Variants in WDR27 observed in about 807,000 individuals in gnomAD.
The protein encoded by WDR27 is WD repeat-containing protein 27.
In WDR27, 100 loss-of-function variants were observed where a neutral mutation model predicts 114.4. The ratio of observed to expected loss-of-function variants is 0.87; its 90% CI spans 0.74 to 1.03. The LOEUF is 1.03. Ranked by LOEUF, WDR27 falls within the 50% of genes least tolerant of loss-of-function variation. The probability of loss-of-function intolerance (pLI) is 0.00; values close to 1 mark genes in which losing one functional copy is unlikely to be tolerated. For missense variants in WDR27, 1,129 were observed against 1,092.9 expected, an observed-to-expected ratio of 1.03 and a Z score of -0.47; for synonymous variants, 449 against 423.1, an observed-to-expected ratio of 1.06 and a Z score of -0.75.
intron 21 of WDR27, among the ~76,000 whole-genome samples, chr6:169,618,415 A>G (rs1393395806): frequency 6.6e-6 from 1 of 152,142 alleles, no homozygotes; most frequent in Non-Finnish European, 1.5e-5. Flanking sequence ...TAAATCATAA[A>G]ACACGTATGC....
At position 169,658,329 on chromosome 6, in the gene WDR27, T is replaced by C. The variant is rs1562842074; in HGVS notation, c.1349A>G (p.Tyr450Cys). ...ACTCTTCTCCTTGGCAATTCCCAGATACAGTGGAGAGGTCGGTAGGACACA... is the reference window on the plus strand; with the variant it reads ...ACTCTTCTCCTTGGCAATTCCCAGACACAGTGGAGAGGTCGGTAGGACACA... ...SSCVLPTSPL[Y>C]LGIAKEKSTK... is the part of the protein sequence containing the mutation. Residue 450 changes from tyrosine (Y) to cysteine (C), a missense_variant, in exon 13 of 26, where the codon TAT becomes TGT. By Grantham distance (194) the Tyr-to-Cys change is radical. Transcript: ENST00000448612. 1 of 1,601,850 alleles carries C rather than the reference T, an allele frequency of 6.2e-7. No homozygotes were observed. Among genetic ancestry groups the C allele is most frequent in the Admixed American group, 1.7e-5 (1 of 58,478 alleles).
intron 25 of WDR27, among the ~76,000 whole-genome samples, chr6:169,530,456 C>T (rs1242585409): frequency 1.3e-5 from 2 of 152,196 alleles, no homozygotes; most frequent in African/African-American, 4.8e-5. Context: ...ACAAATGCTG[C>T]TCTGTTTTCC....
Position 169,512,156 on chromosome 6 carries a change from A to G in WDR27, c.2646-54522T>C, listed in dbSNP as rs544235239. Among the ~76,000 whole-genome samples the G allele has an allele frequency of 1.7e-3, 260 of 152,324 alleles. 2 individuals are homozygous for G. Among genetic ancestry groups the G allele is most frequent in the African/African-American group, 5.8e-3 (242 of 41,580 alleles). On this transcript the variant is annotated intron_variant, in intron 25 of 25. Transcript: ENST00000448612. ...CAAAATATATTTTTTAGATTGCCCTACAAATTGTAATAGCTTGTAATTTGC... is the reference window on the plus strand; with the variant it reads ...CAAAATATATTTTTTAGATTGCCCTGCAAATTGTAATAGCTTGTAATTTGC...
At chr6:169,664,389 C>T (rs372536486) in intron 7 of WDR27, 103 bp from the exon 8 acceptor site, 9 of 1,587,208 alleles carry the variant, frequency 5.7e-6, no homozygotes, top group South Asian at 1.1e-5. Context: ...CGTCACAGGA[C>T]GGGCCCTCCA....
At chr6:169,505,565 T>C (rs1791901028) in intron 25 of WDR27, among the ~76,000 whole-genome samples, 2 of 135,952 alleles carry the variant, frequency 1.5e-5, no homozygotes, top group Admixed American at 7.3e-5. Context: ...AGCAGACTGA[T>C]AGCATTCCTA....
intron 24 of WDR27, among the ~76,000 whole-genome samples, chr6:169,575,621 C>T (rs1479380479): frequency 3.3e-5 from 5 of 152,200 alleles, no homozygotes; most frequent in Non-Finnish European, 1.5e-5. Flanking sequence ...AATAACGCAG[C>T]CCGCTCTCTA....
intron 1 of WDR27, among the ~76,000 whole-genome samples, chr6:169,696,697 G>A (rs542642762): frequency 1.5e-4 from 23 of 152,168 alleles, no homozygotes; most frequent in Non-Finnish European, 3.1e-4. Flanking sequence ...GGTGGATCAC[G>A]AGGTCAGGAG....
At chr6:169,647,662 G>A (rs1018924534) in intron 16 of WDR27, 111 bp downstream of exon 16, 3 of 1,052,720 alleles carry the variant, frequency 2.8e-6, no homozygotes, top group African/African-American at 3.2e-5. Context: ...AGTAACCAAG[G>A]TTTTTAAAAA....
chr6:169,699,595 C>T (rs943960228), intron 1 of WDR27, among the ~76,000 whole-genome samples: 2 of 152,154 alleles, frequency 1.3e-5, no homozygotes, highest in African/African-American at 4.8e-5. Flanking sequence ...TGCCATGCTC[C>T]AGGAGTGAGC....
chr6:169,647,339 T>C (rs4236174), intron 16 of WDR27, among the ~76,000 whole-genome samples: 152,340 of 152,348 alleles, frequency 1, 76,166 homozygotes, highest in Middle Eastern at 1. Flanking sequence ...GCAGCCTGCA[T>C]GATGCCATCC....
chr6:169,696,556 A>C (rs78181018), intron 1 of WDR27, among the ~76,000 whole-genome samples: 9,934 of 152,292 alleles, frequency 0.065, 390 homozygotes, highest in East Asian at 0.095. Flanking sequence ...TCATAGGAGA[A>C]AGACAATCCG....
chr6:169,694,501 C>T (rs1785325373), intron 1 of WDR27, among the ~76,000 whole-genome samples: 3 of 152,130 alleles, frequency 2.0e-5, no homozygotes, highest in Admixed American at 2.0e-4. Flanking sequence ...TCCATCATAA[C>T]ATTGATTATA....
At chr6:169,604,206 C>G (rs181934771) in intron 22 of WDR27, among the ~76,000 whole-genome samples, 2 of 152,006 alleles carry the variant, frequency 1.3e-5, no homozygotes, top group South Asian at 4.1e-4. Flanking sequence ...AATTGATAAA[C>G]CACTTGTAGA....
intron 25 of WDR27, among the ~76,000 whole-genome samples, chr6:169,554,342 G>A (rs1453687070): frequency 6.6e-6 from 1 of 152,116 alleles, no homozygotes; most frequent in Non-Finnish European, 1.5e-5. Flanking sequence ...CAGGAAGACG[G>A]GACCCATCAG....
intron 25 of WDR27, among the ~76,000 whole-genome samples, chr6:169,495,804 T>A (rs1790326971): frequency 6.6e-6 from 1 of 152,044 alleles, no homozygotes; most frequent in Admixed American, 6.6e-5. Context: ...AGAAAAGCCC[T>A]GAATCTGATG....
chr6:169,462,490 G>GAGAGAGAAAGAAAGAAAGAA (rs555265160), intron 25 of WDR27, among the ~76,000 whole-genome samples: 82 of 149,948 alleles, frequency 5.5e-4, no homozygotes, highest in African/African-American at 2.0e-3. Context: ...GAGAGAGAGA[G>GAGAGAGAAAGAAAGAAAGAA]AGAAAGAAAG....
rs550347640 is a variant in WDR27, at chr6:169,672,396, G to A, written c.190C>T (p.Leu64Phe). Reference protein sequence around the residue: ...IWNTKDPSHQLLILRGHHQPI... With the variant: ...IWNTKDPSHQFLILRGHHQPI... Reference sequence around the variant, plus strand: ...TGATGGTGTCCTCGTAGGATTAGAAGCTGGGAAAATTAACAAAAATAAAAC... The same window carrying A: ...TGATGGTGTCCTCGTAGGATTAGAAACTGGGAAAATTAACAAAAATAAAAC... The change falls in exon 3 of 26, where the codon CTT becomes TTT. Residue 64 changes from leucine (L) to phenylalanine (F), a missense_variant and splice_region_variant. Coordinates refer to ENST00000448612, the MANE Select transcript of WDR27 (RefSeq NM_182552.5). 3 of 1,588,764 alleles carry A rather than the reference G, an allele frequency of 1.9e-6. No individual in the cohort carries two copies. In the South Asian group the frequency reaches 3.5e-5, roughly 18 times the overall value.
At chr6:169,649,489 T>G (rs886081160) in intron 14 of WDR27, among the ~76,000 whole-genome samples, 2 of 151,994 alleles carry the variant, frequency 1.3e-5, no homozygotes, top group Non-Finnish European at 2.9e-5. Flanking sequence ...TGCTACACAT[T>G]GTCCTGTGAC....
rs542661927 is a variant in WDR27 at position 169,582,967 on chromosome 6, A to G, written c.2425-33T>C. On this transcript the variant is annotated intron_variant, in intron 23 of 25. Coordinates refer to ENST00000448612, the MANE Select transcript of WDR27 (RefSeq NM_182552.5). ...ACAAGATGAGCAGGTGTGCCATGTT[A>G]ACTCAGAGTCAGGAATCACCTGTAA... 20 of 1,599,918 alleles carry G rather than the reference A, an allele frequency of 1.3e-5. No individual in the cohort carries two copies. In the Admixed American group the frequency reaches 3.4e-4, roughly 27 times the overall value.
Sources: gnomAD v4.1 joint callset for allele counts (sites outside exome capture counted in the v4.1 genomes callset) on GRCh38, gnomAD v4.1.1 for gene constraint, MANE v1.5 for transcripts, NCBI Gene and HGNC (gene_info 2026-07-23, HGNC 2026-07-21) for gene names.